PCDHA10: variants seen among roughly 807,000 people sequenced by gnomAD.
PCDHA10 encodes protocadherin alpha 10, also known as protocadherin alpha-10.
Under a neutral mutation model 61.2 loss-of-function variants are expected in PCDHA10, and 45 were observed. The observed-to-expected ratio is 0.74, with a 90% CI of 0.58 to 0.94. PCDHA10 has a LOEUF of 0.94. Among genes scored for constraint, PCDHA10 ranks in the 40% least tolerant of loss-of-function variants. The pLI, the probability that PCDHA10 is intolerant of heterozygous loss-of-function variation, is 0.00. For missense variants in PCDHA10, 1,278 were observed against 1,236.2 expected (o/e 1.03, Z -0.51); for synonymous variants, 602 against 548.8 (o/e 1.10, Z -1.35).
chr5:140,882,577 C>G, intron 1 of PCDHA10: 3 of 1,614,238 alleles, frequency 1.9e-6, no homozygotes, highest in Non-Finnish European at 2.5e-6. Flanking sequence ...CGGAGTGCAG[C>G]ATCCACCTGG....
intron 1 of PCDHA10, among the ~76,000 whole-genome samples, chr5:140,898,648 G>T (rs1436511217): frequency 8.5e-5 from 13 of 152,136 alleles, no homozygotes; most frequent in African/African-American, 3.1e-4. Context: ...TGTTCTTTTG[G>T]CTTAGGATTG....
chr5:140,997,334 C>G (rs2097767888), intron 3 of PCDHA10, among the ~76,000 whole-genome samples: 3 of 152,098 alleles, frequency 2.0e-5, no homozygotes, highest in Admixed American at 2.0e-4. Flanking sequence ...TTTCGTTGTA[C>G]AAATATCATA....
chr5:140,897,361 G>A (rs1455815825), intron 1 of PCDHA10, among the ~76,000 whole-genome samples: 1 of 123,218 alleles, frequency 8.1e-6, no homozygotes, highest in Non-Finnish European at 1.6e-5. Context: ...TGTCCCCAGA[G>A]TGTGATGTTC....
At chr5:140,896,541 T>C (rs2065612579) in intron 1 of PCDHA10, among the ~76,000 whole-genome samples, 1 of 151,728 alleles carries the variant, frequency 6.6e-6, no homozygotes, top group South Asian at 2.1e-4. Flanking sequence ...TTTTTCTTTT[T>C]TTTTTTTGTA....
chr5:140,875,537 C>A, intron 1 of PCDHA10: 1 of 1,614,130 alleles, frequency 6.2e-7, no homozygotes, highest in South Asian at 1.1e-5. Context: ...CTGCTCCTTG[C>A]AGCCTGGGAG....
At chr5:140,901,235 T>A (rs1554189665) in intron 1 of PCDHA10, among the ~76,000 whole-genome samples, 1 of 152,174 alleles carries the variant, frequency 6.6e-6, no homozygotes, top group African/African-American at 2.4e-5. Context: ...TATATCCATT[T>A]TTTTCCTTTG....
At chr5:140,872,181 G>T (rs2053527538) in intron 1 of PCDHA10, among the ~76,000 whole-genome samples, 1 of 151,138 alleles carries the variant, frequency 6.6e-6, no homozygotes, top group Admixed American at 6.6e-5. Flanking sequence ...TTTTTTTACA[G>T]TGTTAAACGT....
intron 1 of PCDHA10, among the ~76,000 whole-genome samples, chr5:140,914,826 CA>C: frequency 6.6e-6 from 1 of 151,812 alleles, no homozygotes; most frequent in East Asian, 1.9e-4. Context: ...ACTGCATAAA[CA>C]AAAAACAAAC....
chr5:140,882,152 G>A (rs1582595300), intron 1 of PCDHA10: 2 of 1,505,314 alleles, frequency 1.3e-6, no homozygotes, highest in Non-Finnish European at 8.9e-7. Flanking sequence ...GCAGAAAGCG[G>A]AATACCTCTT....
intron 1 of PCDHA10, among the ~76,000 whole-genome samples, chr5:140,972,883 C>T (rs1020544230): frequency 1.1e-4 from 16 of 151,884 alleles, no homozygotes; most frequent in African/African-American, 1.7e-4. Context: ...AGGATGGTCT[C>T]GATCTCTTGA....
rs782453395 is a variant in PCDHA10 at position 140,875,890 on chromosome 5, G to T, written c.2388+17454G>T. 79 of 1,614,062 alleles carry T rather than the reference G, an allele frequency of 4.9e-5. No homozygotes were observed. Among genetic ancestry groups the T allele is most frequent in the Non-Finnish European group, 5.9e-5 (70 of 1,180,034 alleles). On this transcript the variant is annotated intron_variant, in intron 1 of 3. Coordinates refer to ENST00000307360, the MANE Select transcript of PCDHA10 (RefSeq NM_018901.4). ...GGTGTTCAGAGAAAGGGAACAAAAG[G>T]TACCTGTTTCTGAATCTGCGCCTCT...
intron 1 of PCDHA10, among the ~76,000 whole-genome samples, chr5:140,922,977 G>C (rs935363543): frequency 3.9e-5 from 6 of 152,204 alleles, no homozygotes; most frequent in Non-Finnish European, 5.9e-5. Context: ...GCATATCTCA[G>C]ACAATAGGCA....
At position 141,010,264 on chromosome 5, in the gene PCDHA10, G is replaced by A. The variant is rs1265692233; in HGVS notation, c.*327G>A. On this transcript the variant is annotated 3_prime_UTR_variant, in exon 4 of 4. Transcript: ENST00000307360. ...GGTTGGACTCTCTGCCCTGTGCTCC[G>A]GGGATCCTGTCTTGATGACACTTGC... The A allele has an allele frequency of 1.4e-5, 22 of 1,551,586 alleles. No individual in the cohort carries two copies. The highest frequency in any genetic ancestry group is 1.1e-4 in the South Asian group (9 of 84,060).
At chr5:140,928,304 AC>A (rs782506310) in intron 1 of PCDHA10, 98 of 1,613,908 alleles carry the variant, frequency 6.1e-5, no homozygotes, top group Non-Finnish European at 7.9e-5. Flanking sequence ...TTTGCCCAGG[AC>A]CCCGACCTGG....
chr5:140,863,155 T>G (rs1554157838), intron 1 of PCDHA10: 1 of 635,268 alleles, frequency 1.6e-6, no homozygotes, highest in Admixed American at 1.9e-5. Context: ...GAAGGACCAC[T>G]GCGAGCTGGC....
chr5:140,895,861 G>C (rs1248344470), intron 1 of PCDHA10, among the ~76,000 whole-genome samples: 2 of 152,184 alleles, frequency 1.3e-5, no homozygotes, highest in African/African-American at 4.8e-5. Context: ...CCCCAGGCTG[G>C]AGTGCAATGG....
intron 1 of PCDHA10, among the ~76,000 whole-genome samples, chr5:140,946,167 T>C (rs2153672434): frequency 6.6e-6 from 1 of 151,842 alleles, no homozygotes; most frequent in South Asian, 2.1e-4. Context: ...AAAAGATGGG[T>C]AAAGGATGTG....
intron 1 of PCDHA10, among the ~76,000 whole-genome samples, chr5:140,972,314 GTGT>G (rs1387433472): frequency 1.3e-5 from 2 of 150,490 alleles, no homozygotes; most frequent in Non-Finnish European, 3.0e-5. Context: ...TAGTTTTTAG[GTGT>G]TTTTTTTTTT....
chr5:140,901,712 GAT>G lies in PCDHA10; in HGVS notation c.2388+43277_2388+43278del, dbSNP rs1187367855. Among the ~76,000 whole-genome samples, 6 of 152,218 alleles carry G rather than the reference GAT, an allele frequency of 3.9e-5. No homozygotes were observed. In the East Asian group the frequency reaches 9.6e-4, roughly 24 times the overall value. ...TTTTGTAGTTCTATATACATTTTCA[GAT>G]TGTCTTTTCTATTTCTGTGAAGAAT... On this transcript the variant is annotated intron_variant, in intron 1 of 3. Coordinates refer to ENST00000307360, the MANE Select transcript of PCDHA10 (RefSeq NM_018901.4).
Sources: gnomAD v4.1 joint callset for allele counts (sites outside exome capture counted in the v4.1 genomes callset) on GRCh38, gnomAD v4.1.1 for gene constraint, MANE v1.5 for transcripts, NCBI Gene and HGNC (gene_info 2026-07-23, HGNC 2026-07-21) for gene names.